TSPAN2: variants seen among roughly 807,000 people sequenced by gnomAD.
TSPAN2 encodes tetraspanin-2.
In TSPAN2, 24 loss-of-function variants were observed where a neutral mutation model predicts 33.3. That is an observed-to-expected ratio of 0.72 (90% CI 0.52 to 1.01). The LOEUF (loss-of-function observed/expected upper bound fraction) is 1.01. Ranked by LOEUF, TSPAN2 falls within the 50% of genes least tolerant of loss-of-function variation. TSPAN2 has a pLI of 0.00. For missense variants in TSPAN2, 278 were observed against 281.3 expected, an observed-to-expected ratio of 0.99 and a Z score of 0.08; for synonymous variants, 114 against 104.5, an observed-to-expected ratio of 1.09 and a Z score of -0.56.
chr1:115,050,604 G>A (rs770141108), intron 7 of TSPAN2, 49 bp from the exon 8 acceptor site: 55 of 1,524,248 alleles, frequency 3.6e-5, no homozygotes, highest in Non-Finnish European at 4.9e-5. Context: ...GGTACTGATA[G>A]GTAAAAAGTT....
intron 2 of TSPAN2, among the ~76,000 whole-genome samples, chr1:115,064,926 G>A (rs1280899435): frequency 5.3e-5 from 8 of 152,216 alleles, no homozygotes; most frequent in Admixed American, 5.2e-4. Context: ...AAATGAAACT[G>A]TCTGCTCCCT....
At position 115,060,524 on chromosome 1, in the gene TSPAN2, G is replaced by C. The variant is rs760825187; in HGVS notation, c.285C>G (p.Leu95=). ...QCVLGSFFTC[L]LVIFAAEVTT... ...TTACTTCAGCAGCAAATATCACCAG[G>C]AGGCAGGTAAAAAACTGTAGAGGAG... is the stretch of plus-strand genomic sequence containing the variant. The change falls in exon 4 of 8, where the codon CTC becomes CTG. Residue 95 remains leucine (L), a synonymous_variant. Coordinates refer to ENST00000369516, the MANE Select transcript of TSPAN2 (RefSeq NM_005725.6). 6.2e-7 allele frequency: 1 copy of C among 1,613,314 alleles called. No homozygotes were observed. The highest frequency in any genetic ancestry group is 2.2e-5 in the East Asian group (1 of 44,828).
At chr1:115,053,308 G>T in intron 7 of TSPAN2, 71 bp downstream of exon 7, 1 of 1,381,176 alleles carries the variant, frequency 7.2e-7, no homozygotes, top group Non-Finnish European at 1.0e-6. Flanking sequence ...TATCACACTT[G>T]AAAAGAAATA....
intron 1 of TSPAN2, among the ~76,000 whole-genome samples, chr1:115,081,596 TTACTGGTCCTA>T (rs1327683346): frequency 3.9e-5 from 6 of 152,200 alleles, no homozygotes; most frequent in Admixed American, 1.3e-4. Context: ...ACTCTGGCAC[TTACTGGTCCTA>T]TAATCTTGGG....
At chr1:115,081,912 C>T (rs1331887820) in intron 1 of TSPAN2, among the ~76,000 whole-genome samples, 1 of 152,198 alleles carries the variant, frequency 6.6e-6, no homozygotes, top group East Asian at 1.9e-4. Context: ...GAATTCCTTT[C>T]GGTTTTCTAA....
intron 1 of TSPAN2, among the ~76,000 whole-genome samples, chr1:115,086,365 C>G (rs1648836913): frequency 6.6e-6 from 1 of 152,232 alleles, no homozygotes; most frequent in South Asian, 2.1e-4. Flanking sequence ...CTTCGACAGT[C>G]AGATGGTGGC....
At chr1:115,084,531 C>T (rs1648756604) in intron 1 of TSPAN2, among the ~76,000 whole-genome samples, 1 of 152,158 alleles carries the variant, frequency 6.6e-6, no homozygotes. Flanking sequence ...TCTGTTCCTC[C>T]TAGCAATTCT....
intron 1 of TSPAN2, among the ~76,000 whole-genome samples, chr1:115,079,626 T>A (rs545612526): frequency 9.2e-5 from 14 of 152,326 alleles, no homozygotes; most frequent in African/African-American, 3.4e-4. Context: ...TTGAATGCCA[T>A]ATGACATCTA....
chr1:115,077,210 T>C (rs34035589), intron 1 of TSPAN2, among the ~76,000 whole-genome samples: 50,712 of 151,914 alleles, frequency 0.33, 9,346 homozygotes, highest in Non-Finnish European at 0.42. Flanking sequence ...TGAGCCACCG[T>C]GCCCAGCCTC....
At chr1:115,073,062 T>C (rs996169923) in intron 1 of TSPAN2, 55 bp from the exon 2 acceptor site, 33 of 1,470,646 alleles carry the variant, frequency 2.2e-5, no homozygotes, top group South Asian at 2.0e-4. Context: ...CATGCACAGA[T>C]CCGAGAGCAG....
Position 115,050,162 on chromosome 1 carries a change from T to G in TSPAN2, c.*328A>C. On this transcript the variant is annotated 3_prime_UTR_variant, in exon 8 of 8. Transcript: ENST00000369516. Reference sequence around the variant, plus strand: ...AAGTTCTCAAAGTTTCTGAAAGCTCTTTGATCTTTTTTTTCTGGGAGCGAA... The same window carrying G: ...AAGTTCTCAAAGTTTCTGAAAGCTCGTTGATCTTTTTTTTCTGGGAGCGAA... 3.6e-6 allele frequency: 1 copy of G among 276,358 alleles called. No individual in the cohort carries two copies. The highest frequency in any genetic ancestry group is 4.4e-5 in the South Asian group (1 of 22,900). The allele number at this position is 276,358 out of a possible 1,614,324, so 17.1% of individuals were successfully genotyped here.
intron 7 of TSPAN2, 36 bp from the exon 8 acceptor site, chr1:115,050,591 A>G (rs754526273): frequency 1.3e-6 from 2 of 1,592,682 alleles, no homozygotes; most frequent in South Asian, 1.1e-5. Context: ...TGACTTTGAA[A>G]CGGGTACTGA....
At position 115,057,707 on chromosome 1, in the gene TSPAN2, A is replaced by T. The variant is rs1450722145; in HGVS notation, c.445-99T>A. On this transcript the variant is annotated intron_variant, in intron 5 of 7. Coordinates refer to ENST00000369516, the MANE Select transcript of TSPAN2 (RefSeq NM_005725.6). ...GACTGGGGTGCCGAGGCGGCAAAGC[A>T]GCTCCGAGGCCCAGTCACTGCAACC... 6 of 1,070,528 alleles carry T rather than the reference A, an allele frequency of 5.6e-6. No individual in the cohort carries two copies. In the Admixed American group the frequency reaches 6.9e-5, roughly 12 times the overall value. The allele number at this position is 1,070,528 out of a possible 1,614,324, so 66.3% of individuals were successfully genotyped here. A position where few individuals can be genotyped will look rare whatever the true frequency, so the allele number is the denominator to read the frequency against.
At chr1:115,056,530 G>A (rs1417021147) in intron 6 of TSPAN2, among the ~76,000 whole-genome samples, 3 of 152,156 alleles carry the variant, frequency 2.0e-5, no homozygotes, top group Admixed American at 6.5e-5. Flanking sequence ...CTCTCGGCAC[G>A]CAGGCCTCCC....
chr1:115,073,540 A>G (rs1424115278), intron 1 of TSPAN2, among the ~76,000 whole-genome samples: 2 of 132,030 alleles, frequency 1.5e-5, no homozygotes, highest in Non-Finnish European at 3.3e-5. Context: ...TCGTGAGTGC[A>G]CAGTCCCCAA....
chr1:115,049,621 T>A lies in TSPAN2; in HGVS notation c.*869A>T, dbSNP rs1183519330. ...CCTTATATTTGGAGAAACAGAAGAG[T>A]TTGACATAAAAGTCCCTTTGAGGAT... On this transcript the variant is annotated 3_prime_UTR_variant, in exon 8 of 8. Coordinates refer to ENST00000369516, the MANE Select transcript of TSPAN2 (RefSeq NM_005725.6). 1 of 152,614 alleles carries A rather than the reference T, an allele frequency of 6.6e-6. No homozygotes were observed. Among genetic ancestry groups the A allele is most frequent in the Admixed American group, 6.5e-5 (1 of 15,278 alleles). 9.5% of individuals were successfully genotyped at this position (152,614 alleles called of 1,614,324 possible).
chr1:115,064,895 G>A (rs1319129694), intron 2 of TSPAN2, among the ~76,000 whole-genome samples: 2 of 152,192 alleles, frequency 1.3e-5, no homozygotes, highest in Non-Finnish European at 2.9e-5. Context: ...GTTTGAGGAG[G>A]CCAGAGTTGT....
At position 115,068,407 on chromosome 1, in the gene TSPAN2, T is replaced by C. The variant is rs534468487; in HGVS notation, c.172+4498A>G. Among the ~76,000 whole-genome samples the C allele has an allele frequency of 6.1e-4, 93 of 152,356 alleles. 1 individual carries two copies. The highest frequency in any genetic ancestry group is 5.1e-4 in the Non-Finnish European group (35 of 68,018). Reference sequence around the variant, plus strand: ...AGTCATCTACCCCGAAGCAGGGACCTAGACAAGTGTGTCTTCCTGGGGTTC... The same window carrying C: ...AGTCATCTACCCCGAAGCAGGGACCCAGACAAGTGTGTCTTCCTGGGGTTC... On this transcript the variant is annotated intron_variant, in intron 2 of 7. Coordinates refer to ENST00000369516, the MANE Select transcript of TSPAN2 (RefSeq NM_005725.6).
intron 2 of TSPAN2, among the ~76,000 whole-genome samples, chr1:115,065,296 T>C (rs982250110): frequency 6.6e-6 from 1 of 152,206 alleles, no homozygotes; most frequent in Admixed American, 6.5e-5. Flanking sequence ...ATCCTTCTTA[T>C]GGTCTGACCC....
Sources: allele counts gnomAD v4.1 joint callset (sites outside exome capture counted in the v4.1 genomes callset), GRCh38; gene constraint gnomAD v4.1.1; transcripts MANE v1.5; gene names NCBI Gene and HGNC (gene_info 2026-07-23, HGNC 2026-07-21).